The following DLG1 variants were observed in gnomAD, a reference collection of about 807,000 sequenced individuals.
DLG1 encodes the protein discs large MAGUK scaffold protein 1.
A neutral mutation model predicts 123.4 loss-of-function variants in DLG1; 42 were observed. That is an observed-to-expected ratio of 0.34 (90% CI 0.27 to 0.44). The LOEUF (loss-of-function observed/expected upper bound fraction) is 0.44. Among genes scored for constraint, DLG1 ranks in the 20% least tolerant of loss-of-function variants. The probability of loss-of-function intolerance (pLI) is 1.00; values close to 1 mark genes in which losing one functional copy is unlikely to be tolerated. For missense variants in DLG1, 942 were observed against 1,082.6 expected (o/e 0.87, Z 1.82); for synonymous variants, 317 against 356.2 (o/e 0.89, Z 1.24).
At chr3:197,088,427 T>C (rs1012222994) in intron 15 of DLG1, among the ~76,000 whole-genome samples, 1 of 152,156 alleles carries the variant, frequency 6.6e-6, no homozygotes, top group Non-Finnish European at 1.5e-5. Context: ...AATTCTCTAC[T>C]GGGGAGAAGG....
intron 12 of DLG1, among the ~76,000 whole-genome samples, chr3:197,117,401 T>C (rs1273098333): frequency 6.6e-6 from 1 of 152,192 alleles, no homozygotes; most frequent in Non-Finnish European, 1.5e-5. Context: ...TATTATAGAA[T>C]TACTCACAAT....
chr3:197,044,039 T>TA lies in DLG1; in HGVS notation c.*583dup, dbSNP rs1721467454. ...AGAACCGTCAAATACTAAAAGGCTTTAAGAATGTTGAGGAAAAAATGAAAT... is the reference window on the plus strand; with the variant it reads ...AGAACCGTCAAATACTAAAAGGCTTTAAAGAATGTTGAGGAAAAAATGAAAT... On this transcript the variant is annotated 3_prime_UTR_variant, in exon 25 of 25. Transcript: ENST00000667157. 6.6e-6 allele frequency: 1 copy of TA among 152,160 alleles called. No individual in the cohort carries two copies. The highest frequency in any genetic ancestry group is 2.4e-5 in the African/African-American group (1 of 41,448). The allele number at this position is 152,160 out of a possible 1,614,324, so 9.4% of individuals were successfully genotyped here. A position where few individuals can be genotyped will look rare whatever the true frequency, so the allele number is the denominator to read the frequency against.
chr3:197,108,600 T>TTG (rs397699638), intron 13 of DLG1, among the ~76,000 whole-genome samples: 1 of 151,960 alleles, frequency 6.6e-6, no homozygotes, highest in African/African-American at 2.4e-5. Context: ...TACATAATGA[T>TTG]ATACTATAAA....
chr3:197,249,131 C>T (rs775030770), intron 4 of DLG1, among the ~76,000 whole-genome samples: 1 of 151,880 alleles, frequency 6.6e-6, no homozygotes, highest in African/African-American at 2.4e-5. Context: ...AAACAAAATA[C>T]AGATGATCAA....
At chr3:197,104,677 C>T (rs1198327806) in intron 14 of DLG1, among the ~76,000 whole-genome samples, 1 of 151,470 alleles carries the variant, frequency 6.6e-6, no homozygotes, top group East Asian at 1.9e-4. Flanking sequence ...AGTGGAACCC[C>T]GTCTCAACAA....
rs540457597 is a variant in DLG1 at position 197,133,927 on chromosome 3, C to T, written c.1020+2615G>A. 3.1e-4 allele frequency among the ~76,000 whole-genome samples: 47 copies of T among 152,318 alleles called. 1 individual carries two copies. The highest frequency in any genetic ancestry group is 6.8e-3 in the Middle Eastern group (2 of 294). ...AATGATTCCAGTGTAATTAAGAGAA[C>T]AAAAGCCTCACTAAAAGTTGATTTA... On this transcript the variant is annotated intron_variant, in intron 10 of 24. Coordinates refer to ENST00000667157, the MANE Select transcript of DLG1 (RefSeq NM_001366207.1).
At chr3:197,277,443 C>T (rs887668789) in intron 4 of DLG1, among the ~76,000 whole-genome samples, 1 of 151,960 alleles carries the variant, frequency 6.6e-6, no homozygotes. Flanking sequence ...TAGGTTCATG[C>T]GATTCTCACG....
chr3:197,221,639 A>G (rs1341973342), intron 4 of DLG1, among the ~76,000 whole-genome samples: 3 of 152,238 alleles, frequency 2.0e-5, no homozygotes, highest in Non-Finnish European at 4.4e-5. Flanking sequence ...AGAGAGCCTC[A>G]GTTGCACTTT....
chr3:197,078,509 C>A (rs1364400551), intron 17 of DLG1: 1 of 151,976 alleles, frequency 6.6e-6, no homozygotes, highest in African/African-American at 2.4e-5. Flanking sequence ...TGATTTCAAT[C>A]TTAAAGTTTG....
At chr3:197,203,741 T>C (rs892284263) in intron 4 of DLG1, among the ~76,000 whole-genome samples, 1 of 152,232 alleles carries the variant, frequency 6.6e-6, no homozygotes, top group Admixed American at 6.5e-5. Context: ...AGAGCAAAAC[T>C]ATATTCTTGG....
chr3:197,051,487 C>A (rs1195660523), intron 24 of DLG1, 90 bp downstream of exon 24: 3 of 951,052 alleles, frequency 3.2e-6, no homozygotes, highest in East Asian at 4.8e-5. Flanking sequence ...TAGATGTAGG[C>A]ATAGTTCAAA....
chr3:197,109,080 G>A (rs1768277922), intron 13 of DLG1, among the ~76,000 whole-genome samples: 1 of 152,130 alleles, frequency 6.6e-6, no homozygotes, highest in Non-Finnish European at 1.5e-5. Flanking sequence ...AGCCAGATGT[G>A]GTGGTTCTAG....
At chr3:197,129,871 G>A (rs537715544) in intron 11 of DLG1, among the ~76,000 whole-genome samples, 3 of 152,276 alleles carry the variant, frequency 2.0e-5, no homozygotes, top group Admixed American at 2.0e-4. Context: ...TGTCTTATAT[G>A]AGTGTGGTTG....
At chr3:197,193,905 C>T (rs920785065) in intron 5 of DLG1, among the ~76,000 whole-genome samples, 6 of 151,746 alleles carry the variant, frequency 4.0e-5, no homozygotes, top group Non-Finnish European at 7.4e-5. Flanking sequence ...CTGCAACTTC[C>T]GCCTCCCAGG....
intron 23 of DLG1, among the ~76,000 whole-genome samples, chr3:197,057,826 T>C (rs959135101): frequency 2.0e-5 from 3 of 152,196 alleles, no homozygotes; most frequent in Admixed American, 2.0e-4. Flanking sequence ...ATATGCCTTC[T>C]TTCTTTTCTT....
intron 12 of DLG1, among the ~76,000 whole-genome samples, chr3:197,118,939 GGCT>G (rs1321260728): frequency 6.6e-6 from 1 of 152,060 alleles, no homozygotes; most frequent in African/African-American, 2.4e-5. Flanking sequence ...AGGAGTTGGA[GGCT>G]GCAGTGATGT....
intron 24 of DLG1, among the ~76,000 whole-genome samples, chr3:197,045,577 T>TAA (rs35371226): frequency 5.4e-4 from 77 of 142,810 alleles, no homozygotes; most frequent in East Asian, 2.9e-3. Context: ...CCTGTGTATT[T>TAA]AAAAAAAAAA....
chr3:197,100,585 T>C (rs1010625862), intron 14 of DLG1, among the ~76,000 whole-genome samples: 7 of 152,148 alleles, frequency 4.6e-5, no homozygotes, highest in Non-Finnish European at 1.0e-4. Flanking sequence ...GCTCTGAAAG[T>C]TGGCCTAATA....
intron 5 of DLG1, 110 bp from the exon 6 acceptor site, chr3:197,149,906 A>ATT: frequency 1.5e-6 from 1 of 687,352 alleles, no homozygotes; most frequent in Non-Finnish European, 2.6e-6. Context: ...TTATAATCTT[A>ATT]TATGAGCTTT....
Sources: gnomAD v4.1 joint callset for allele counts (sites outside exome capture counted in the v4.1 genomes callset) on GRCh38, gnomAD v4.1.1 for gene constraint, MANE v1.5 for transcripts, NCBI Gene and HGNC (gene_info 2026-07-23, HGNC 2026-07-21) for gene names.